The following IHO1 variants were observed in gnomAD, a reference collection of about 807,000 sequenced individuals.
The protein encoded by IHO1 is interactor of HORMAD1 protein 1.
A neutral mutation model predicts 31.0 loss-of-function variants in IHO1; 13 were observed. The ratio of observed to expected loss-of-function variants is 0.42; its 90% CI spans 0.27 to 0.67. The LOEUF is 0.67. IHO1 is among the 30% of genes least tolerant of loss of function. The pLI is 0.24. For missense variants in IHO1, 599 were observed against 687.5 expected (o/e 0.87, Z 1.44); for synonymous variants, 221 against 248.4 (o/e 0.89, Z 1.04).
In IHO1 at chr3:49,224,373, A is replaced by T. The variant is rs573932311; in HGVS notation, c.57-12175A>T. 2.5e-4 allele frequency among the ~76,000 whole-genome samples: 38 copies of T among 152,304 alleles called. 1 individual carries two copies. Among genetic ancestry groups the T allele is most frequent in the Non-Finnish European group, 4.4e-4 (30 of 68,026 alleles). On this transcript the variant is annotated intron_variant, in intron 2 of 7. Transcript: ENST00000452691. ...CCCTCACCTTTCTGATGGCTTTGGCAGTGTAAGACTGCCACCTCCTTGGGT... is the reference window on the plus strand; with the variant it reads ...CCCTCACCTTTCTGATGGCTTTGGCTGTGTAAGACTGCCACCTCCTTGGGT...
chr3:49,195,673 C>G (rs2045992587), upstream of IHO1, among the ~76,000 whole-genome samples: 1 of 151,832 alleles, frequency 6.6e-6, no homozygotes, highest in Non-Finnish European at 1.5e-5. Context: ...GAGATCACGC[C>G]ACTGCACTCC....
At chr3:49,243,166 G>A (rs2046652136) in intron 4 of IHO1, among the ~76,000 whole-genome samples, 1 of 151,828 alleles carries the variant, frequency 6.6e-6, no homozygotes, top group Admixed American at 6.6e-5. Flanking sequence ...TTATTGAGAT[G>A]GAGTCTCACT....
intron 6 of IHO1, among the ~76,000 whole-genome samples, chr3:49,254,971 G>A (rs1249631664): frequency 6.6e-6 from 1 of 151,992 alleles, no homozygotes; most frequent in Non-Finnish European, 1.5e-5. Flanking sequence ...GCTGAGGCAG[G>A]AGAATCGCTC....
At chr3:49,201,677 G>A (rs2046071109) in intron 1 of IHO1, among the ~76,000 whole-genome samples, 1 of 152,110 alleles carries the variant, frequency 6.6e-6, no homozygotes, top group Non-Finnish European at 1.5e-5. Context: ...AGCACTTTGG[G>A]AAGCCGAGGC....
intron 2 of IHO1, among the ~76,000 whole-genome samples, chr3:49,235,948 A>C (rs976785895): frequency 1.5e-5 from 2 of 131,016 alleles, no homozygotes; most frequent in African/African-American, 5.7e-5. Flanking sequence ...AAAAAAAAAG[A>C]TAACATTCTT....
At chr3:49,191,325 TTAG>T in the IHO1 span, among the ~76,000 whole-genome samples, 1 of 152,234 alleles carries the variant, frequency 6.6e-6, no homozygotes, top group African/African-American at 2.4e-5. Flanking sequence ...TCTATTCAGG[TTAG>T]CTCAACAGTA....
At chr3:49,200,475 A>AAAGAAAGAAGGAAAGAAAGAAAG (rs367907809) in intron 1 of IHO1, 2 of 103,858 alleles carry the variant, frequency 1.9e-5, no homozygotes, top group Admixed American at 2.5e-4. Context: ...AAAAAAAAAA[A>AAAGAAAGAAGGAAAGAAAGAAAG]AAAGAAAGAA....
intron 2 of IHO1, among the ~76,000 whole-genome samples, chr3:49,228,794 C>T (rs779524405): frequency 1.6e-4 from 24 of 152,156 alleles, no homozygotes; most frequent in Non-Finnish European, 2.8e-4. Context: ...GAGTGAGCAG[C>T]AGCAAGATTT....
intron 2 of IHO1, among the ~76,000 whole-genome samples, chr3:49,218,500 G>C (rs545871186): frequency 3.4e-5 from 5 of 147,598 alleles, no homozygotes; most frequent in Non-Finnish European, 7.4e-5. Context: ...TCTTGCCTCA[G>C]ACTCCCAAGT....
At chr3:49,243,333 C>T (rs897252376) in intron 4 of IHO1, among the ~76,000 whole-genome samples, 1 of 151,634 alleles carries the variant, frequency 6.6e-6, no homozygotes, top group Admixed American at 6.6e-5. Context: ...TTAGTAGAGA[C>T]GGGGTTTCAG....
At chr3:49,198,694 T>G (rs917973224), upstream of IHO1, 1 of 152,236 alleles carries the variant, frequency 6.6e-6, no homozygotes, top group Non-Finnish European at 1.5e-5. Flanking sequence ...TAATTTTTTG[T>G]AGAGCTGGGG....
At chr3:49,252,555 A>C (rs1281470302) in intron 6 of IHO1, among the ~76,000 whole-genome samples, 1 of 151,980 alleles carries the variant, frequency 6.6e-6, no homozygotes, top group Non-Finnish European at 1.5e-5. Context: ...AGTAGCTAGG[A>C]CCACAGGCAC....
the IHO1 span, among the ~76,000 whole-genome samples, chr3:49,191,521 T>A: frequency 1.3e-5 from 2 of 152,182 alleles, no homozygotes; most frequent in African/African-American, 4.8e-5. Flanking sequence ...GAATTTCCAC[T>A]GGCTTTCAGG....
intron 6 of IHO1, among the ~76,000 whole-genome samples, chr3:49,251,919 C>T (rs1021847168): frequency 2.0e-5 from 3 of 151,668 alleles, no homozygotes. Context: ...TTTTATATCA[C>T]GAGATTATAT....
intron 2 of IHO1, among the ~76,000 whole-genome samples, chr3:49,236,111 C>T (rs565501496): frequency 5.4e-4 from 82 of 151,882 alleles, no homozygotes; most frequent in Non-Finnish European, 9.6e-4. Flanking sequence ...TGTGGTAGCA[C>T]ATACCTGTAG....
At chr3:49,192,862 A>C in the IHO1 span, among the ~76,000 whole-genome samples, 1 of 152,014 alleles carries the variant, frequency 6.6e-6, no homozygotes, top group Non-Finnish European at 1.5e-5. Context: ...ACATCACTGC[A>C]CTCCAGCCTG....
chr3:49,211,487 T>G (rs1450114727), intron 1 of IHO1, among the ~76,000 whole-genome samples: 1 of 152,092 alleles, frequency 6.6e-6, no homozygotes, highest in Middle Eastern at 3.2e-3. Context: ...GATACAAAAA[T>G]TAGCCAGGTG....
At chr3:49,202,595 C>G (rs1430894678) in intron 1 of IHO1, among the ~76,000 whole-genome samples, 1 of 151,426 alleles carries the variant, frequency 6.6e-6, no homozygotes, top group Non-Finnish European at 1.5e-5. Flanking sequence ...CCAGGATGGT[C>G]TCGATCTCCT....
chr3:49,236,232 CAT>C (rs1474206877), intron 2 of IHO1, among the ~76,000 whole-genome samples: 1 of 152,132 alleles, frequency 6.6e-6, no homozygotes, highest in East Asian at 1.9e-4. Context: ...AAAATGATAA[CAT>C]TCTTTTAATC....
Sources: allele counts gnomAD v4.1 joint callset (sites outside exome capture counted in the v4.1 genomes callset), GRCh38; gene constraint gnomAD v4.1.1; transcripts MANE v1.5; gene names NCBI Gene and HGNC (gene_info 2026-07-23, HGNC 2026-07-21).